Variants in MDP1 observed in about 807,000 individuals in gnomAD.
The protein encoded by MDP1 is magnesium dependent phosphatase 1.
In MDP1, 18 loss-of-function variants were observed where a neutral mutation model predicts 21.6. That is an observed-to-expected ratio of 0.83 (90% CI 0.58 to 1.24). MDP1 has a LOEUF of 1.24. Ranked by LOEUF, MDP1 falls within the 50% of genes most tolerant of loss-of-function variation. The pLI is 0.00. For synonymous variants in MDP1, 101 were observed against 83.2 expected, an observed-to-expected ratio of 1.21 and a Z score of -1.16; for missense variants, 207 against 218.6, an observed-to-expected ratio of 0.95 and a Z score of 0.33.
At chr14:24,215,181 G>C (rs1234315668) in intron 3 of MDP1, among the ~76,000 whole-genome samples, 5 of 150,622 alleles carry the variant, frequency 3.3e-5, no homozygotes, top group Non-Finnish European at 1.5e-5. Flanking sequence ...CGCCTCCCGG[G>C]TTCAAGCGAT....
rs1170313351 is a variant in MDP1 at position 24,214,518 on chromosome 14, T to C, written c.291A>G (p.Pro97=). Residue 97 remains proline (P), a synonymous_variant, in exon 4 of 6, where the codon CCA becomes CCG. Transcript: ENST00000288087. ...TCTCAAAGTGTGTGATCTTGCTGCC[T>C]GGATAGATTTCCCGATGAACAAAGT... ...FRYFVHREIY[P]GSKITHFERL... 4.3e-6 allele frequency: 7 copies of C among 1,614,216 alleles called. No individual in the cohort carries two copies. The highest frequency in any genetic ancestry group is 1.6e-4 in the Middle Eastern group (1 of 6,062).
Position 24,215,634 on chromosome 14 carries a change from G to A in MDP1, c.127C>T (p.Gln43Ter), listed in dbSNP as rs1446616575. Reference protein sequence around the residue: ...SDGTVRDRRGQDVRLYPEVPE... With the variant: ...SDGTVRDRRG ...ACCTCTGGGTACAGTCGGACGTCTT[G>A]GCCCCGCCTATCTCGTACAGTTCCA... The change falls in exon 3 of 6, where the codon CAA becomes TAA. Residue 43 changes from glutamine (Q) to a stop codon, truncating the protein, a stop_gained. Coordinates refer to ENST00000288087, the MANE Select transcript of MDP1 (RefSeq NM_138476.4). LOFTEE classifies it high-confidence loss of function. The A allele has an allele frequency of 1.2e-5, 19 of 1,614,134 alleles. No homozygotes were observed. Among genetic ancestry groups the A allele is most frequent in the Non-Finnish European group, 1.6e-5 (19 of 1,180,014 alleles).
At position 24,215,587 on chromosome 14, in the gene MDP1, C is replaced by G. The variant is rs1452691593; in HGVS notation, c.174G>C (p.Leu58Phe). 1 of 1,614,052 alleles carries G rather than the reference C, an allele frequency of 6.2e-7. No individual in the cohort carries two copies. The highest frequency in any genetic ancestry group is 8.5e-7 in the Non-Finnish European group (1 of 1,180,050). Residue 58 changes from leucine (L) to phenylalanine (F), a missense_variant, in exon 3 of 6, where the codon TTG (leucine) becomes TTC (phenylalanine). Physicochemically the swap from Leu to Phe is conservative, Grantham distance 22 (BLOSUM62 0). Transcript: ENST00000288087. Reference protein sequence around the residue: ...YPEVPEVLKRLQSLGVPGAAA... With the variant: ...YPEVPEVLKRFQSLGVPGAAA... ...CCGCACCGGGCACCCCAAGGCTCTG[C>G]AATCGTTTTAGGACCTCAGGCACCT...
In MDP1 at chr14:24,216,018, G is replaced by A; in HGVS notation, c.-63C>T. ...TTCACCCGGGGCCTTAGAGAGTGCG[G>A]AACCTCCGGCAGCTAAGGCAGCCAC... On this transcript the variant is annotated 5_prime_UTR_variant, in exon 1 of 6. Transcript: ENST00000288087. 6.2e-7 allele frequency: 1 copy of A among 1,608,650 alleles called. No homozygotes were observed. The highest frequency in any genetic ancestry group is 1.1e-5 in the South Asian group (1 of 90,934).
At chr14:24,214,424 GC>G in intron 4 of MDP1, 29 bp from the exon 5 acceptor site, 1 of 1,614,150 alleles carries the variant, frequency 6.2e-7, no homozygotes, top group East Asian at 2.2e-5. Context: ...GAGTAACCAA[GC>G]TAGTATCTTG....
chr14:24,214,351 A>G lies in MDP1; in HGVS notation c.362T>C (p.Phe121Ser), dbSNP rs371040827. Reference protein sequence around the residue: ...TGIPFSQMIFFDDERRNIVDV... With the variant: ...TGIPFSQMIFSDDERRNIVDV... ...TACAATATTCCGCCTCTCATCATCA[A>G]AGAAGATCATCTGGGAGAAAGGAAT... is the stretch of plus-strand genomic sequence containing the variant. The change falls in exon 5 of 6, where the codon TTT becomes TCT. Residue 121 changes from phenylalanine to serine, a missense_variant. Physicochemically the swap from Phe to Ser is radical, Grantham distance 155. Coordinates refer to ENST00000288087, the MANE Select transcript of MDP1 (RefSeq NM_138476.4). 8.1e-6 allele frequency: 13 copies of G among 1,614,044 alleles called. No homozygotes were observed. The highest frequency in any genetic ancestry group is 1.0e-5 in the Non-Finnish European group (12 of 1,180,036).
chr14:24,215,857 C>G (rs1484859595), intron 1 of MDP1, 60 bp from the exon 2 acceptor site: 1 of 1,613,942 alleles, frequency 6.2e-7, no homozygotes, highest in African/African-American at 1.3e-5. Context: ...GATTCGGGAG[C>G]TGCTGTTAGG....
At chr14:24,215,412 G>A (rs1020855227) in intron 3 of MDP1, 140 bp downstream of exon 3, 21 of 1,002,594 alleles carry the variant, frequency 2.1e-5, no homozygotes, top group Non-Finnish European at 3.0e-5. Flanking sequence ...TAGTTAAAAG[G>A]CACAGGAGAG....
rs189129112 is a variant in MDP1, at chr14:24,214,645, G to A, written c.210-46C>T. 1.2e-5 allele frequency: 19 copies of A among 1,602,656 alleles called. No homozygotes were observed. In the African/African-American group the frequency reaches 2.4e-4, roughly 20 times the overall value. On this transcript the variant is annotated intron_variant, in intron 3 of 5. Transcript: ENST00000288087. ...TGGGATTAGCAAAGTGAAGGGCCAG[G>A]GCTACGTTAACTTATTAAGCAAAGT...
chr14:24,215,862 G>C lies in MDP1; in HGVS notation c.37+57C>G, dbSNP rs573943345. 3.7e-6 allele frequency: 6 copies of C among 1,614,068 alleles called. No individual in the cohort carries two copies. In the East Asian group the frequency reaches 1.3e-4, roughly 36 times the overall value. The stretch of plus-strand genomic sequence containing the variant: ...GAGATGCAGGGATTCGGGAGCTGCT[G>C]TTAGGGATGTGGAAAAGGAGAGCAC... On this transcript the variant is annotated intron_variant, in intron 1 of 5. Coordinates refer to ENST00000288087, the MANE Select transcript of MDP1 (RefSeq NM_138476.4).
Position 24,216,058 on chromosome 14 carries a change from A to G in MDP1, c.-103T>C. 1.4e-6 allele frequency: 2 copies of G among 1,477,262 alleles called. No homozygotes were observed. Among genetic ancestry groups the G allele is most frequent in the Non-Finnish European group, 1.9e-6 (2 of 1,070,008 alleles). The allele number at this position is 1,477,262 out of a possible 1,614,324, so 91.5% of individuals were successfully genotyped here. Reference sequence around the variant, plus strand: ...AAGGCAGCCACCCTGCCTGCCATAGACAAATGGCGACTAGAGCGTCGCCAC... The same window carrying G: ...AAGGCAGCCACCCTGCCTGCCATAGGCAAATGGCGACTAGAGCGTCGCCAC... On this transcript the variant is annotated 5_prime_UTR_variant, in exon 1 of 6. Transcript: ENST00000288087.
At position 24,215,682 on chromosome 14, in the gene MDP1, G is replaced by C. The variant is rs749277897; in HGVS notation, c.99-20C>G. On this transcript the variant is annotated intron_variant, in intron 2 of 5. Coordinates refer to ENST00000288087, the MANE Select transcript of MDP1 (RefSeq NM_138476.4). ...CCATCACTGGAGAGGGCAAGAGTGC[G>C]CTCAGCCCTGGCTGGGTCCTATCTC... The C allele has an allele frequency of 1.9e-6, 3 of 1,614,058 alleles. No individual in the cohort carries two copies. Among genetic ancestry groups the C allele is most frequent in the Non-Finnish European group, 1.7e-6 (2 of 1,179,964 alleles).
chr14:24,214,592 C>T lies in MDP1; in HGVS notation c.217G>A (p.Glu73Lys). The change falls in exon 4 of 6, where the codon GAG (glutamate) becomes AAG (lysine). Residue 73 changes from glutamate to lysine, a missense_variant. By Grantham distance (56) the Glu-to-Lys change is moderately conservative. Coordinates refer to ENST00000288087, the MANE Select transcript of MDP1 (RefSeq NM_138476.4). ...AGTAGCTGGTTGGCCCCTTCTATCT[C>T]ACTTGTCCTGCAAAACGGTGTAAAA... ...VPGAAASRTS[E>K]IEGANQLLEL... 3 of 1,614,216 alleles carry T rather than the reference C, an allele frequency of 1.9e-6. No homozygotes were observed. The highest frequency in any genetic ancestry group is 1.7e-6 in the Non-Finnish European group (2 of 1,180,044).
In MDP1 at chr14:24,215,996, A is replaced by C. The variant is rs2138873410; in HGVS notation, c.-41T>G. ...CTGCGCGCAGCAGAGGTGGGGCTTC[A>C]CCCGGGGCCTTAGAGAGTGCGGAAC... On this transcript the variant is annotated 5_prime_UTR_variant, in exon 1 of 6. Coordinates refer to ENST00000288087, the MANE Select transcript of MDP1 (RefSeq NM_138476.4). 1 of 1,613,474 alleles carries C rather than the reference A, an allele frequency of 6.2e-7. No homozygotes were observed. Among genetic ancestry groups the C allele is most frequent in the African/African-American group, 1.3e-5 (1 of 75,018 alleles).
intron 3 of MDP1, 49 bp downstream of exon 3, chr14:24,215,503 G>C (rs2039670960): frequency 6.3e-7 from 1 of 1,591,816 alleles, no homozygotes; most frequent in African/African-American, 1.3e-5. Flanking sequence ...ACTGTCTCTT[G>C]CATGCACCCT....
intron 3 of MDP1, 115 bp from the exon 4 acceptor site, chr14:24,214,714 TG>T: frequency 9.0e-7 from 1 of 1,113,204 alleles, no homozygotes; most frequent in Non-Finnish European, 1.3e-6. Flanking sequence ...TTTTCCGGGA[TG>T]GACAGGCATC....
chr14:24,215,026 C>T (rs2039655385), intron 3 of MDP1, among the ~76,000 whole-genome samples: 1 of 151,432 alleles, frequency 6.6e-6, no homozygotes, highest in South Asian at 2.1e-4. Flanking sequence ...GATCCTCCCA[C>T]CTAGGCCTCC....
chr14:24,214,736 G>C, intron 3 of MDP1, 137 bp from the exon 4 acceptor site: 1 of 885,284 alleles, frequency 1.1e-6, no homozygotes, highest in Non-Finnish European at 1.7e-6. Flanking sequence ...CTCAGCCTCT[G>C]TTTAACTCCA....
Position 24,215,784 on chromosome 14 carries a change from C to T in MDP1, c.51G>A (p.Trp17Ter), listed in dbSNP as rs1283683965. Reference protein sequence around the residue: ...LAVFDLDYTLWPFWVDTHVDP... With the variant: ...LAVFDLDYTL ...CTACGTGCGTGTCGACCCAGAAAGG[C>T]CAGAGAGTGTAATCTGCGAGAGGAA... Residue 17 changes from tryptophan (W) to a stop codon, truncating the protein, a stop_gained, in exon 2 of 6, where the codon TGG (tryptophan) becomes TGA (stop). Transcript: ENST00000288087. LOFTEE classifies it high-confidence loss of function. 2 of 1,614,150 alleles carry T rather than the reference C, an allele frequency of 1.2e-6. No homozygotes were observed. The highest frequency in any genetic ancestry group is 4.5e-5 in the East Asian group (2 of 44,884).
Sources: gnomAD v4.1 joint callset for allele counts (sites outside exome capture counted in the v4.1 genomes callset) on GRCh38, gnomAD v4.1.1 for gene constraint, MANE v1.5 for transcripts, NCBI Gene and HGNC (gene_info 2026-07-23, HGNC 2026-07-21) for gene names.